The following EXT1 variants were observed in gnomAD, a reference collection of about 807,000 sequenced individuals.
The protein encoded by EXT1 is exostosin glycosyltransferase 1.
EXT1 carries 20 observed loss-of-function variants against 82.5 expected under a neutral mutation model. That is an observed-to-expected ratio of 0.24 (90% confidence interval 0.17 to 0.35). EXT1 has a LOEUF of 0.35. EXT1 is among the 10% of genes least tolerant of loss of function. The probability of loss-of-function intolerance (pLI) is 1.00; values close to 1 mark genes in which losing one functional copy is unlikely to be tolerated. For synonymous variants in EXT1, 348 were observed against 350.8 expected, an observed-to-expected ratio of 0.99 and a Z score of 0.09; for missense variants, 757 against 936.5, an observed-to-expected ratio of 0.81 and a Z score of 2.50.
intron 1 of EXT1, among the ~76,000 whole-genome samples, chr8:118,081,095 A>G (rs2129981901): frequency 6.6e-6 from 1 of 152,292 alleles, no homozygotes; most frequent in East Asian, 1.9e-4. Context: ...ACAGAGCAGC[A>G]CTAAAAAGAC....
chr8:118,003,588 G>A (rs1296867206), intron 1 of EXT1, among the ~76,000 whole-genome samples: 1 of 151,938 alleles, frequency 6.6e-6, no homozygotes, highest in Non-Finnish European at 1.5e-5. Flanking sequence ...TCTGCCAATT[G>A]TATTTCAAAC....
chr8:118,041,391 G>A (rs527999435), intron 1 of EXT1, among the ~76,000 whole-genome samples: 1 of 152,086 alleles, frequency 6.6e-6, no homozygotes, highest in Non-Finnish European at 1.5e-5. Context: ...TAAGTGCCAG[G>A]CACCTTTTGA....
intron 1 of EXT1, among the ~76,000 whole-genome samples, chr8:117,900,767 T>C (rs1463845933): frequency 1.3e-5 from 2 of 152,138 alleles, no homozygotes; most frequent in Non-Finnish European, 1.5e-5. Context: ...CATTCAGCAA[T>C]AGGAAATTTG....
chr8:117,915,691 C>T (rs1048414822), intron 1 of EXT1, among the ~76,000 whole-genome samples: 30 of 152,078 alleles, frequency 2.0e-4, no homozygotes, highest in Non-Finnish European at 3.8e-4. Context: ...CCTGTCTCTG[C>T]TAAAAATACA....
intron 1 of EXT1, among the ~76,000 whole-genome samples, chr8:118,097,197 G>A (rs973063858): frequency 6.6e-6 from 1 of 152,196 alleles, no homozygotes; most frequent in Admixed American, 6.5e-5. Context: ...TGTAATCCCA[G>A]CATTCTGGGA....
At chr8:117,885,267 G>C (rs889993087) in intron 1 of EXT1, among the ~76,000 whole-genome samples, 3 of 152,176 alleles carry the variant, frequency 2.0e-5, no homozygotes, top group Non-Finnish European at 4.4e-5. Context: ...CCTTCCAAGT[G>C]CCATGTATAC....
chr8:117,896,179 T>C (rs1161037768), intron 1 of EXT1, among the ~76,000 whole-genome samples: 1 of 152,250 alleles, frequency 6.6e-6, no homozygotes. Flanking sequence ...TGCCTGTCTA[T>C]GGATGTGTGT....
chr8:117,910,854 G>A (rs1227028933), intron 1 of EXT1, among the ~76,000 whole-genome samples: 1 of 152,224 alleles, frequency 6.6e-6, no homozygotes, highest in East Asian at 1.9e-4. Flanking sequence ...CTAATGCTCT[G>A]TATGTGTCTC....
intron 1 of EXT1, among the ~76,000 whole-genome samples, chr8:117,883,731 G>C (rs922630629): frequency 2.0e-5 from 3 of 152,344 alleles, no homozygotes; most frequent in African/African-American, 7.2e-5. Flanking sequence ...CTTTGGAGTG[G>C]TAGGGAACTA....
Position 118,072,888 on chromosome 8 carries a change from G to A in EXT1, c.962+37197C>T, listed in dbSNP as rs577303038. Reference sequence around the variant, plus strand: ...CCAAAGGGACTTACTAATGGGTTACGGGAACCCAAGGCAGGTAGGTCTACA... The same window carrying A: ...CCAAAGGGACTTACTAATGGGTTACAGGAACCCAAGGCAGGTAGGTCTACA... On this transcript the variant is annotated intron_variant, in intron 1 of 10. Transcript: ENST00000378204. 5.3e-5 allele frequency among the ~76,000 whole-genome samples: 8 copies of A among 152,284 alleles called. 1 individual carries two copies. The South Asian group carries it at 1.2e-3, about 24-fold the overall frequency.
At chr8:117,973,456 C>T (rs1379223313) in intron 1 of EXT1, among the ~76,000 whole-genome samples, 3 of 152,176 alleles carry the variant, frequency 2.0e-5, no homozygotes, top group African/African-American at 7.2e-5. Flanking sequence ...AAATTAACAG[C>T]TATACTAGTG....
chr8:118,104,640 T>C (rs1264421916), intron 1 of EXT1, among the ~76,000 whole-genome samples: 1 of 152,194 alleles, frequency 6.6e-6, no homozygotes, highest in Non-Finnish European at 1.5e-5. Context: ...ACCAAAAGTG[T>C]TTCAAATTTT....
chr8:117,938,824 A>G (rs1411792685), intron 1 of EXT1, among the ~76,000 whole-genome samples: 5 of 152,248 alleles, frequency 3.3e-5, no homozygotes, highest in Admixed American at 6.5e-5. Flanking sequence ...TTTATCATAA[A>G]TAAGTGTTAA....
intron 1 of EXT1, among the ~76,000 whole-genome samples, chr8:117,975,269 T>A (rs911760332): frequency 2.0e-5 from 3 of 152,180 alleles, no homozygotes; most frequent in African/African-American, 7.2e-5. Context: ...CTATAAAGTA[T>A]CAAGAGTGAT....
chr8:118,101,920 G>A (rs978138932), intron 1 of EXT1, among the ~76,000 whole-genome samples: 1 of 151,418 alleles, frequency 6.6e-6, no homozygotes, highest in African/African-American at 2.4e-5. Flanking sequence ...ACTCAACAAG[G>A]TGAAACCCAT....
intron 1 of EXT1, among the ~76,000 whole-genome samples, chr8:118,024,176 G>C (rs1474512416): frequency 6.6e-6 from 1 of 152,214 alleles, no homozygotes; most frequent in African/African-American, 2.4e-5. Context: ...AGAGATCAAG[G>C]AAGGTGAGAA....
At chr8:117,832,248 C>T (rs977538393) in intron 3 of EXT1, among the ~76,000 whole-genome samples, 4 of 152,072 alleles carry the variant, frequency 2.6e-5, no homozygotes, top group East Asian at 1.9e-4. Flanking sequence ...TGCCTAAGGC[C>T]GGGCGCGGTG....
chr8:117,944,003 C>T (rs1323845238), intron 1 of EXT1, among the ~76,000 whole-genome samples: 1 of 152,182 alleles, frequency 6.6e-6, no homozygotes, highest in African/African-American at 2.4e-5. Context: ...AACTACCTTT[C>T]TCAGAAACTC....
At chr8:117,974,548 GCCTTGA>G (rs1815027933) in intron 1 of EXT1, among the ~76,000 whole-genome samples, 1 of 152,140 alleles carries the variant, frequency 6.6e-6, no homozygotes, top group Non-Finnish European at 1.5e-5. Flanking sequence ...GCTCACTGCA[GCCTTGA>G]CCTCTCCAGC....
Sources: gnomAD v4.1 joint callset for allele counts (sites outside exome capture counted in the v4.1 genomes callset) on GRCh38, gnomAD v4.1.1 for gene constraint, MANE v1.5 for transcripts, NCBI Gene and HGNC (gene_info 2026-07-23, HGNC 2026-07-21) for gene names.